PARD3B: variants seen among roughly 807,000 people sequenced by gnomAD.
PARD3B encodes partitioning defective 3 homolog B.
Under a neutral mutation model 130.2 loss-of-function variants are expected in PARD3B, and 103 were observed. That is an observed-to-expected ratio of 0.79 (90% CI 0.67 to 0.93). The LOEUF (loss-of-function observed/expected upper bound fraction) is 0.93. PARD3B is among the 40% of genes least tolerant of loss of function. The probability of loss-of-function intolerance (pLI) is 0.00; values close to 1 mark genes in which losing one functional copy is unlikely to be tolerated. For synonymous variants in PARD3B, 583 were observed against 553.2 expected (o/e 1.05, Z -0.76); for missense variants, 1,609 against 1,499.2 (o/e 1.07, Z -1.21).
chr2:205,420,424 G>T (rs553765198), intron 19 of PARD3B, among the ~76,000 whole-genome samples: 2 of 152,064 alleles, frequency 1.3e-5, no homozygotes, highest in South Asian at 4.2e-4. Flanking sequence ...TAATTTGTCC[G>T]TGGTACAAAA....
chr2:205,366,846 G>A lies in PARD3B; in HGVS notation c.2631-34167G>A, dbSNP rs189611231. ...CACTAATAACTGGTGATGCTGTACC[G>A]CCACAGGTGTCAGCAGCAATAACTG... is the stretch of plus-strand genomic sequence containing the variant. On this transcript the variant is annotated intron_variant, in intron 18 of 22. Transcript: ENST00000406610. This position sits in a 1 kb window ranked among gnomAD's most constrained non-coding sequence, Gnocchi z 5.0. 8.5e-5 allele frequency among the ~76,000 whole-genome samples: 13 copies of A among 152,258 alleles called. No homozygotes were observed. The highest frequency in any genetic ancestry group is 5.8e-4 in the East Asian group (3 of 5,180).
intron 19 of PARD3B, among the ~76,000 whole-genome samples, chr2:205,439,723 G>T (rs546757808): frequency 7.9e-5 from 12 of 152,150 alleles, no homozygotes; most frequent in Middle Eastern, 6.8e-3. Context: ...TCTCTGTCAG[G>T]AACCTATTAA....
In PARD3B at chr2:205,269,788, C is replaced by A. The variant is rs962839666; in HGVS notation, c.2185+23966C>A. ...AAGGGGAAATGGATAAGCTAAAAGGCAGCTATGTGCTTCTCTCCTACTGGC... is the reference window on the plus strand; with the variant it reads ...AAGGGGAAATGGATAAGCTAAAAGGAAGCTATGTGCTTCTCTCCTACTGGC... On this transcript the variant is annotated intron_variant, in intron 16 of 22. Coordinates refer to ENST00000406610, the MANE Select transcript of PARD3B (RefSeq NM_001302769.2). The surrounding 1 kb of genome is among the most constrained non-coding windows in gnomAD (Gnocchi z 4.7). Among the ~76,000 whole-genome samples, 3 of 152,102 alleles carry A rather than the reference C, an allele frequency of 2.0e-5. No individual in the cohort carries two copies. In the South Asian group the frequency reaches 6.2e-4, roughly 31 times the overall value.
At chr2:205,049,379 A>G (rs1699027853) in intron 4 of PARD3B, among the ~76,000 whole-genome samples, 1 of 152,128 alleles carries the variant, frequency 6.6e-6, no homozygotes, top group Non-Finnish European at 1.5e-5. Flanking sequence ...TAAAACCATC[A>G]AATCTCATAA....
chr2:205,191,132 A>C (rs1413325688), intron 14 of PARD3B, among the ~76,000 whole-genome samples: 3 of 151,956 alleles, frequency 2.0e-5, no homozygotes, highest in Non-Finnish European at 4.4e-5. Context: ...CTTCTTGAGA[A>C]ATTTTTATGA....
intron 10 of PARD3B, among the ~76,000 whole-genome samples, chr2:205,130,959 C>A (rs1449972920): frequency 6.6e-6 from 1 of 152,110 alleles, no homozygotes; most frequent in Non-Finnish European, 1.5e-5. Flanking sequence ...GGTTACCTGT[C>A]CCTGTGACTA....
At chr2:204,939,192 ATAAAAACT>A in intron 2 of PARD3B, among the ~76,000 whole-genome samples, 1 of 152,152 alleles carries the variant, frequency 6.6e-6, no homozygotes, top group South Asian at 2.1e-4. Flanking sequence ...CCTCATTTTG[ATAAAAACT>A]TAAAATATGC....
intron 22 of PARD3B, among the ~76,000 whole-genome samples, chr2:205,557,308 C>T (rs145902904): frequency 2.0e-5 from 3 of 152,336 alleles, no homozygotes; most frequent in African/African-American, 7.2e-5. Context: ...ACTCCCCTGA[C>T]TATCCCACAG....
chr2:204,755,457 C>T (rs2040626889), intron 2 of PARD3B, among the ~76,000 whole-genome samples: 1 of 152,076 alleles, frequency 6.6e-6, no homozygotes, highest in Admixed American at 6.6e-5. Flanking sequence ...TGTCAACCAA[C>T]CCAAACTCTT....
chr2:205,172,603 GT>G (rs1463535207), intron 12 of PARD3B, among the ~76,000 whole-genome samples: 1 of 152,170 alleles, frequency 6.6e-6, no homozygotes, highest in African/African-American at 2.4e-5. Context: ...ATAATTTCTA[GT>G]TTTTTCCCCC....
At chr2:205,067,095 C>CA (rs1481071931) in intron 4 of PARD3B, among the ~76,000 whole-genome samples, 12 of 59,720 alleles carry the variant, frequency 2.0e-4, no homozygotes, top group South Asian at 1.1e-3. Flanking sequence ...TTTTACTAGG[C>CA]TTTTTTTTTT....
intron 22 of PARD3B, among the ~76,000 whole-genome samples, chr2:205,565,337 G>A (rs1314576264): frequency 6.6e-6 from 1 of 152,142 alleles, no homozygotes; most frequent in East Asian, 1.9e-4. Context: ...GGATGGAGTT[G>A]GTATCAAGCT....
At chr2:205,051,276 T>C (rs1699172863) in intron 4 of PARD3B, among the ~76,000 whole-genome samples, 1 of 152,102 alleles carries the variant, frequency 6.6e-6, no homozygotes, top group Non-Finnish European at 1.5e-5. Context: ...ATTCGGGGAG[T>C]GTGTGATAAT....
intron 18 of PARD3B, among the ~76,000 whole-genome samples, chr2:205,338,412 T>G (rs949734920): frequency 2.0e-5 from 3 of 152,194 alleles, no homozygotes; most frequent in Non-Finnish European, 2.9e-5. Flanking sequence ...TAAACTCCAG[T>G]TACATGGAGA....
chr2:205,513,902 G>T (rs1266218314), intron 21 of PARD3B, among the ~76,000 whole-genome samples: 1 of 152,098 alleles, frequency 6.6e-6, no homozygotes, highest in African/African-American at 2.4e-5. Flanking sequence ...AGATAGATTT[G>T]CTTTTATCCC....
At chr2:204,793,848 T>C (rs925618081) in intron 2 of PARD3B, among the ~76,000 whole-genome samples, 21 of 152,260 alleles carry the variant, frequency 1.4e-4, no homozygotes, top group African/African-American at 5.1e-4. Context: ...TTATTTCCTT[T>C]TTATCATTAC....
intron 20 of PARD3B, among the ~76,000 whole-genome samples, chr2:205,476,640 G>T (rs1306725055): frequency 1.3e-5 from 2 of 151,656 alleles, no homozygotes; most frequent in Non-Finnish European, 3.0e-5. Flanking sequence ...TTGTTTGTTT[G>T]TTTGTTTGTT....
Position 205,550,644 on chromosome 2 carries a change from G to T in PARD3B, c.3181-2680G>T, listed in dbSNP as rs1403603692. On this transcript the variant is annotated intron_variant, in intron 21 of 22. Coordinates refer to ENST00000406610, the MANE Select transcript of PARD3B (RefSeq NM_001302769.2). This position sits in a 1 kb window ranked among gnomAD's most constrained non-coding sequence, Gnocchi z 4.5. ...TTTCATTCTTTGGTTATTTCAGTTT[G>T]AATGCTGTTTTCCCAACAAGACAGA... is the stretch of plus-strand genomic sequence containing the variant. Among the ~76,000 whole-genome samples the T allele has an allele frequency of 6.6e-6, 1 of 151,856 alleles. No homozygotes were observed. Among genetic ancestry groups the T allele is most frequent in the African/African-American group, 2.4e-5 (1 of 41,354 alleles).
Position 205,265,274 on chromosome 2 carries a change from G to A in PARD3B, c.2185+19452G>A, listed in dbSNP as rs774842043. Among the ~76,000 whole-genome samples, 34 of 152,126 alleles carry A rather than the reference G, an allele frequency of 2.2e-4. No individual in the cohort carries two copies. Among genetic ancestry groups the A allele is most frequent in the Non-Finnish European group, 4.0e-4 (27 of 67,914 alleles). ...ATAAGCACAAAATGTCTATACACAC[G>A]AGCCTTCAGGGAAGATTGGGGTGAT... On this transcript the variant is annotated intron_variant, in intron 16 of 22. Coordinates refer to ENST00000406610, the MANE Select transcript of PARD3B (RefSeq NM_001302769.2). This position sits in a 1 kb window ranked among gnomAD's most constrained non-coding sequence, Gnocchi z 4.3.
Sources: allele counts gnomAD v4.1 joint callset (sites outside exome capture counted in the v4.1 genomes callset), GRCh38; gene constraint gnomAD v4.1.1; non-coding constraint Gnocchi (gnomAD v3.1); transcripts MANE v1.5; gene names NCBI Gene and HGNC (gene_info 2026-07-23, HGNC 2026-07-21).